Variants in PHKB observed in about 807,000 individuals in gnomAD.
The protein encoded by PHKB is phosphorylase kinase regulatory subunit beta, also known as phosphorylase b kinase regulatory subunit beta.
In PHKB, 122 loss-of-function variants were observed where a neutral mutation model predicts 152.1. That is an observed-to-expected ratio of 0.80 (90% CI 0.69 to 0.93). The LOEUF (loss-of-function observed/expected upper bound fraction) is 0.93. PHKB is among the 40% of genes least tolerant of loss of function. The probability of loss-of-function intolerance (pLI) is 0.00; values close to 1 mark genes in which losing one functional copy is unlikely to be tolerated. For missense variants in PHKB, 1,304 were observed against 1,328.4 expected (o/e 0.98, Z 0.29); for synonymous variants, 436 against 464.9 (o/e 0.94, Z 0.80).
intron 14 of PHKB, among the ~76,000 whole-genome samples, chr16:47,618,352 G>C (rs1972556868): frequency 6.6e-6 from 1 of 152,036 alleles, no homozygotes; most frequent in Admixed American, 6.6e-5. Context: ...TGAGAACTGA[G>C]AGCATATGTG....
chr16:47,547,139 G>A (rs1971185231), intron 6 of PHKB, among the ~76,000 whole-genome samples: 2 of 152,152 alleles, frequency 1.3e-5, no homozygotes, highest in Non-Finnish European at 2.9e-5. Flanking sequence ...CCAATGAGGT[G>A]AACCGGTTAT....
intron 26 of PHKB, 46 bp downstream of exon 26, chr16:47,669,463 G>A (rs924600884): frequency 6.4e-7 from 1 of 1,558,694 alleles, no homozygotes; most frequent in African/African-American, 1.4e-5. Context: ...TGTTCAAGTT[G>A]TCCTCTAACA....
chr16:47,564,263 T>C, intron 7 of PHKB, among the ~76,000 whole-genome samples: 1 of 152,046 alleles, frequency 6.6e-6, no homozygotes, highest in African/African-American at 2.4e-5. Context: ...CTGTCTTTCA[T>C]AAATATCGTA....
intron 14 of PHKB, among the ~76,000 whole-genome samples, chr16:47,636,155 A>G (rs1241204277): frequency 2.0e-5 from 3 of 152,246 alleles, no homozygotes; most frequent in Non-Finnish European, 4.4e-5. Flanking sequence ...TGAGTTTTCA[A>G]TCTATTAACT....
chr16:47,634,636 C>T (rs1256569787), intron 14 of PHKB, among the ~76,000 whole-genome samples: 7 of 152,092 alleles, frequency 4.6e-5, no homozygotes, highest in Non-Finnish European at 1.0e-4. Flanking sequence ...ATGGTTGAGA[C>T]CTGTATGACC....
intron 14 of PHKB, among the ~76,000 whole-genome samples, chr16:47,638,732 G>A (rs1209529716): frequency 3.3e-5 from 5 of 152,236 alleles, no homozygotes; most frequent in South Asian, 2.1e-4. Context: ...TGTCATATTC[G>A]TATTCTAACA....
intron 20 of PHKB, among the ~76,000 whole-genome samples, chr16:47,655,398 A>G (rs1342153229): frequency 6.6e-6 from 1 of 152,228 alleles, no homozygotes; most frequent in Non-Finnish European, 1.5e-5. Context: ...TATCAGTTTT[A>G]GCCTCTGATG....
At chr16:47,581,862 T>C (rs1971853057) in intron 8 of PHKB, among the ~76,000 whole-genome samples, 2 of 152,168 alleles carry the variant, frequency 1.3e-5, no homozygotes, top group Non-Finnish European at 1.5e-5. Context: ...GTATTTTTAG[T>C]TGAGACGGGG....
intron 10 of PHKB, 88 bp from the exon 11 acceptor site, chr16:47,593,412 C>A: frequency 1.3e-6 from 1 of 767,258 alleles, no homozygotes; most frequent in Non-Finnish European, 2.2e-6. Context: ...TGCACTCCAG[C>A]CTGGGCCACA....
At chr16:47,489,217 A>T (rs1378394923) in intron 1 of PHKB, among the ~76,000 whole-genome samples, 1 of 152,080 alleles carries the variant, frequency 6.6e-6, no homozygotes, top group Non-Finnish European at 1.5e-5. Context: ...ATGGCTGGCT[A>T]ATTTTTTGTA....
intron 26 of PHKB, among the ~76,000 whole-genome samples, chr16:47,671,131 T>C (rs1973630982): frequency 6.6e-6 from 1 of 152,232 alleles, no homozygotes; most frequent in South Asian, 2.1e-4. Context: ...AACACAGTAC[T>C]GTTACCATGC....
chr16:47,586,740 ATGTAT>A (rs1049393897), intron 8 of PHKB, among the ~76,000 whole-genome samples: 1 of 152,126 alleles, frequency 6.6e-6, no homozygotes, highest in Non-Finnish European at 1.5e-5. Context: ...CCCTTTCCCC[ATGTAT>A]TTTTCTGAGT....
chr16:47,609,071 A>G (rs1972378819), intron 13 of PHKB, among the ~76,000 whole-genome samples: 1 of 152,058 alleles, frequency 6.6e-6, no homozygotes, highest in African/African-American at 2.4e-5. Context: ...GGTTGAATAC[A>G]TTTTCTTCTG....
intron 7 of PHKB, among the ~76,000 whole-genome samples, chr16:47,574,818 T>G (rs1971722770): frequency 6.6e-6 from 1 of 152,198 alleles, no homozygotes; most frequent in Admixed American, 6.5e-5. Flanking sequence ...GATTTCAACA[T>G]GAGACTTGGC....
intron 11 of PHKB, 42 bp from the exon 12 acceptor site, chr16:47,594,095 A>G: frequency 5.8e-6 from 6 of 1,036,684 alleles, no homozygotes; most frequent in Non-Finnish European, 9.1e-6. Flanking sequence ...TGAGATCCTT[A>G]TTAAGCTCAG....
chr16:47,600,339 TA>T (rs1166990833), intron 13 of PHKB, among the ~76,000 whole-genome samples: 1 of 152,204 alleles, frequency 6.6e-6, no homozygotes, highest in Non-Finnish European at 1.5e-5. Context: ...ATTTTCTATA[TA>T]GCTGGTAAAT....
Position 47,699,658 on chromosome 16 carries a change from A to T in PHKB, c.*292A>T, listed in dbSNP as rs191276795. On this transcript the variant is annotated 3_prime_UTR_variant, in exon 31 of 31. Coordinates refer to ENST00000323584, the MANE Select transcript of PHKB (RefSeq NM_000293.3). ...TTGAAAATTTGCCGCTGCATGTTGT[A>T]TGATCAAATAGTTCATCAAAATGAA... The T allele has an allele frequency of 2.3e-6, 1 of 427,318 alleles. No homozygotes were observed. Among genetic ancestry groups the T allele is most frequent in the East Asian group, 4.9e-5 (1 of 20,600 alleles). The allele number at this position is 427,318 out of a possible 1,614,324, so 26.5% of individuals were successfully genotyped here.
At chr16:47,549,611 C>T (rs1205766264) in intron 7 of PHKB, among the ~76,000 whole-genome samples, 1 of 152,108 alleles carries the variant, frequency 6.6e-6, no homozygotes, top group African/African-American at 2.4e-5. Flanking sequence ...AGGAGACTCT[C>T]TTGAACCTGG....
At chr16:47,480,542 GAAACAGC>G (rs1332268294) in intron 1 of PHKB, among the ~76,000 whole-genome samples, 1 of 152,142 alleles carries the variant, frequency 6.6e-6, no homozygotes, top group Non-Finnish European at 1.5e-5. Context: ...AAAAGTAGAG[GAAACAGC>G]AAACAGTCTT....
Sources: gnomAD v4.1 joint callset for allele counts (sites outside exome capture counted in the v4.1 genomes callset) on GRCh38, gnomAD v4.1.1 for gene constraint, MANE v1.5 for transcripts, NCBI Gene and HGNC (gene_info 2026-07-23, HGNC 2026-07-21) for gene names.